Variants in FMO3 observed in about 807,000 individuals in gnomAD.
FMO3 encodes flavin containing dimethylaniline monoxygenase 3.
Under a neutral mutation model 39.4 loss-of-function variants are expected in FMO3, and 40 were observed. The ratio of observed to expected loss-of-function variants is 1.02; its 90% CI spans 0.79 to 1.32. The LOEUF (loss-of-function observed/expected upper bound fraction) is 1.32. Ranked by LOEUF, FMO3 falls within the 40% of genes most tolerant of loss-of-function variation. The probability of loss-of-function intolerance (pLI) is 0.00; values close to 1 mark genes in which losing one functional copy is unlikely to be tolerated. For missense variants in FMO3, 680 were observed against 651.8 expected, an observed-to-expected ratio of 1.04 and a Z score of -0.47; for synonymous variants, 219 against 228.8, an observed-to-expected ratio of 0.96 and a Z score of 0.39.
chr1:171,096,730 A>T (rs1655102421), intron 2 of FMO3, among the ~76,000 whole-genome samples: 1 of 127,980 alleles, frequency 7.8e-6, no homozygotes, highest in South Asian at 2.9e-4. Flanking sequence ...TATATTAAAA[A>T]TATATATAAT....
intron 2 of FMO3, among the ~76,000 whole-genome samples, chr1:171,094,225 C>T (rs1015793136): frequency 3.9e-5 from 6 of 152,086 alleles, no homozygotes; most frequent in African/African-American, 1.2e-4. Context: ...TGATGTTAAG[C>T]ATTTTCCCAT....
chr1:171,094,358 G>A (rs1654854815), intron 2 of FMO3, among the ~76,000 whole-genome samples: 2 of 151,870 alleles, frequency 1.3e-5, no homozygotes, highest in Non-Finnish European at 2.9e-5. Context: ...TATAAATTCT[G>A]ATATTTGTCT....
At chr1:171,092,258 C>T (rs1654748186) in intron 1 of FMO3, among the ~76,000 whole-genome samples, 1 of 152,136 alleles carries the variant, frequency 6.6e-6, no homozygotes, top group Non-Finnish European at 1.5e-5. Context: ...CTTACTCTGT[C>T]ACCCAGGCTG....
At position 171,114,158 on chromosome 1, in the gene FMO3, T is replaced by G. The variant is rs767834931; in HGVS notation, c.979T>G (p.Phe327Val). The G allele has an allele frequency of 2.5e-6, 4 of 1,613,954 alleles. No individual in the cohort carries two copies. Among genetic ancestry groups the G allele is most frequent in the Non-Finnish European group, 3.4e-6 (4 of 1,179,964 alleles). ...TIFEGIDCVI[F>V]ATGYSFAYPF... Reference sequence around the variant, plus strand: ...ATTTGAGGGCATTGACTGTGTAATCTTTGCAACAGGGTATAGTTTTGCCTA... The same window carrying G: ...ATTTGAGGGCATTGACTGTGTAATCGTTGCAACAGGGTATAGTTTTGCCTA... Residue 327 changes from phenylalanine (F) to valine (V), a missense_variant, in exon 7 of 9, where the codon TTT (phenylalanine) becomes GTT (valine). Phe to Val is a conservative substitution (Grantham distance 50). Transcript: ENST00000367755.
At chr1:171,093,419 G>A (rs1571196586) in intron 2 of FMO3, among the ~76,000 whole-genome samples, 1 of 151,850 alleles carries the variant, frequency 6.6e-6, no homozygotes. Context: ...TAAGATAATG[G>A]CCTCCAGTCC....
At chr1:171,098,123 G>A (rs895783392) in intron 2 of FMO3, among the ~76,000 whole-genome samples, 1 of 152,102 alleles carries the variant, frequency 6.6e-6, no homozygotes, top group African/African-American at 2.4e-5. Flanking sequence ...TTATTTCTGA[G>A]GGCTCTGTTC....
chr1:171,096,083 A>G (rs1395957212), intron 2 of FMO3, among the ~76,000 whole-genome samples: 32 of 79,946 alleles, frequency 4.0e-4, no homozygotes, highest in African/African-American at 1.7e-3. Context: ...AATATATAAT[A>G]TATATTAATA....
At chr1:171,106,151 T>G (rs1655626720) in intron 3 of FMO3, among the ~76,000 whole-genome samples, 1 of 152,122 alleles carries the variant, frequency 6.6e-6, no homozygotes, top group Non-Finnish European at 1.5e-5. Context: ...TTTTTTTTTT[T>G]TGTTTTGACA....
chr1:171,112,002 G>A (rs28363571), intron 6 of FMO3, among the ~76,000 whole-genome samples: 21,876 of 152,068 alleles, frequency 0.14, 1,979 homozygotes, highest in Non-Finnish European at 0.2. Flanking sequence ...TCAGGGAGGA[G>A]ACTTTTAAGA....
chr1:171,106,740 T>G (rs553693661), intron 3 of FMO3, among the ~76,000 whole-genome samples: 3 of 152,110 alleles, frequency 2.0e-5, no homozygotes, highest in Non-Finnish European at 1.5e-5. Flanking sequence ...CTAGAATTCA[T>G]AGCAATATAA....
intron 4 of FMO3, 76 bp from the exon 5 acceptor site, chr1:171,108,003 C>A (rs139349750): frequency 4.1e-4 from 628 of 1,516,312 alleles, no homozygotes; most frequent in Non-Finnish European, 5.3e-4. Flanking sequence ...TGCATCTATT[C>A]ACAAGGTCGC....
chr1:171,106,236 G>A (rs900148979), intron 3 of FMO3, among the ~76,000 whole-genome samples: 4 of 151,808 alleles, frequency 2.6e-5, no homozygotes, highest in Non-Finnish European at 2.9e-5. Context: ...CACCTCCTAG[G>A]TTCAAGTGAT....
At chr1:171,101,174 G>A (rs1316349971) in intron 2 of FMO3, 1 of 456,230 alleles carries the variant, frequency 2.2e-6, no homozygotes, top group East Asian at 6.9e-5. Flanking sequence ...GCAAGGAATG[G>A]ATTCTCTCCT....
At chr1:171,095,909 TA>T (rs368673341) in intron 2 of FMO3, among the ~76,000 whole-genome samples, 1 of 448 alleles carries the variant, frequency 2.2e-3, no homozygotes, top group East Asian at 0.062. Context: ...ATAATATGTA[TA>T]AATATATATT....
chr1:171,094,825 A>G (rs1305686611), intron 2 of FMO3, among the ~76,000 whole-genome samples: 1 of 152,038 alleles, frequency 6.6e-6, no homozygotes, highest in Non-Finnish European at 1.5e-5. Context: ...GTACCATGCT[A>G]TTTTAATTAC....
In FMO3 at chr1:171,107,704, T is replaced by C. The variant is rs767713766; in HGVS notation, c.351T>C (p.Pro117=). The change falls in exon 4 of 9, where the codon CCT becomes CCC. Residue 117 remains proline (P), a synonymous_variant. Coordinates refer to ENST00000367755, the MANE Select transcript of FMO3 (RefSeq NM_001002294.3). ...KTFVSSVNKH[P]DFATTGQWDV... ...TTGTATCCAGTGTAAATAAACATCC[T>C]GATTTTGCAACTACTGGCCAGTGGG... 2 of 1,613,344 alleles carry C rather than the reference T, an allele frequency of 1.2e-6. No homozygotes were observed. Among genetic ancestry groups the C allele is most frequent in the South Asian group, 1.1e-5 (1 of 91,072 alleles).
At chr1:171,097,510 T>G (rs77653723) in intron 2 of FMO3, among the ~76,000 whole-genome samples, 10,112 of 96,206 alleles carry the variant, frequency 0.11, 828 homozygotes, top group African/African-American at 0.18. Flanking sequence ...ATATCTCATT[T>G]TGGTTTTGAT....
chr1:171,105,167 A>G (rs1477764659), intron 3 of FMO3, among the ~76,000 whole-genome samples: 1 of 152,180 alleles, frequency 6.6e-6, no homozygotes, highest in Non-Finnish European at 1.5e-5. Context: ...ATCTTCCCAT[A>G]AAGAAAATAA....
chr1:171,092,625 T>C (rs1654764094), intron 1 of FMO3, 28 bp from the exon 2 acceptor site: 1 of 1,613,370 alleles, frequency 6.2e-7, no homozygotes, highest in South Asian at 1.1e-5. Flanking sequence ...ATGTTGTTAC[T>C]GGAAATGTTC....
Sources: gnomAD v4.1 joint callset for allele counts (sites outside exome capture counted in the v4.1 genomes callset) on GRCh38, gnomAD v4.1.1 for gene constraint, MANE v1.5 for transcripts, NCBI Gene and HGNC (gene_info 2026-07-23, HGNC 2026-07-21) for gene names.